NEBL: variants seen among roughly 807,000 people sequenced by gnomAD.
NEBL encodes LIM and SH3 protein 2.
Under a neutral mutation model 140.2 loss-of-function variants are expected in NEBL, and 122 were observed. That is an observed-to-expected ratio of 0.87 (90% confidence interval 0.75 to 1.01). The LOEUF is 1.01. Ranked by LOEUF, NEBL falls within the 50% of genes least tolerant of loss-of-function variation. NEBL has a pLI of 0.00. For synonymous variants in NEBL, 436 were observed against 398.9 expected, an observed-to-expected ratio of 1.09 and a Z score of -1.11; for missense variants, 1,365 against 1,231.3, an observed-to-expected ratio of 1.11 and a Z score of -1.62.
At chr10:20,826,184 T>C (rs767507679) in intron 18 of NEBL, among the ~76,000 whole-genome samples, 10 of 152,214 alleles carry the variant, frequency 6.6e-5, no homozygotes, top group Admixed American at 1.3e-4. Context: ...TTCAAAGAGA[T>C]GAAATCTAAC....
chr10:20,930,035 C>T (rs1019594939), intron 4 of NEBL, among the ~76,000 whole-genome samples: 3 of 152,112 alleles, frequency 2.0e-5, no homozygotes, highest in African/African-American at 7.2e-5. Flanking sequence ...GTTGTAAATG[C>T]CATCTAGGTG....
chr10:20,789,968 T>C (rs575919085), intron 26 of NEBL, among the ~76,000 whole-genome samples: 78 of 150,262 alleles, frequency 5.2e-4, no homozygotes, highest in South Asian at 1.7e-3. Flanking sequence ...TATATATATA[T>C]ACACACACAC....
At chr10:21,142,231 A>C (rs1481437932) in intron 2 of NEBL, among the ~76,000 whole-genome samples, 1 of 152,088 alleles carries the variant, frequency 6.6e-6, no homozygotes, top group Non-Finnish European at 1.5e-5. Context: ...GACCATGACC[A>C]CATGGACCAA....
rs188696153 is a variant in NEBL, at chr10:20,853,788, G to A, written c.904-1139C>T. On this transcript the variant is annotated intron_variant, in intron 9 of 27. Coordinates refer to ENST00000377122, the MANE Select transcript of NEBL (RefSeq NM_006393.3). ...GATGGTTAAGGAGTGCAAAAATACC[G>A]TTAGAGAGAATGAGTTTAAGATCTA... Among the ~76,000 whole-genome samples, 598 of 152,186 alleles carry A rather than the reference G, an allele frequency of 3.9e-3. 6 individuals carry two copies. Among genetic ancestry groups the A allele is most frequent in the African/African-American group, 0.014 (571 of 41,518 alleles).
chr10:21,283,170 C>G (rs944483224), intron 1 of NEBL, among the ~76,000 whole-genome samples: 2 of 151,170 alleles, frequency 1.3e-5, no homozygotes, highest in African/African-American at 4.9e-5. Flanking sequence ...GGTAAAGAAG[C>G]CAGCTAAAAC....
At chr10:21,139,557 A>T (rs534847033) in intron 2 of NEBL, among the ~76,000 whole-genome samples, 7 of 152,180 alleles carry the variant, frequency 4.6e-5, no homozygotes, top group Non-Finnish European at 8.8e-5. Context: ...TCATGTTGTC[A>T]TAGCAATGAT....
chr10:20,863,365 T>G (rs1017451507), intron 7 of NEBL, among the ~76,000 whole-genome samples: 2 of 152,164 alleles, frequency 1.3e-5, no homozygotes, highest in Non-Finnish European at 2.9e-5. Flanking sequence ...TAAACACATT[T>G]TAGCAAAGAA....
At chr10:20,804,369 TC>T (rs1248187319) in intron 26 of NEBL, 2 of 152,302 alleles carry the variant, frequency 1.3e-5, no homozygotes, top group African/African-American at 4.8e-5. Flanking sequence ...GCAATCATCC[TC>T]CTGTTAGTTT....
In NEBL at chr10:20,782,909, AAGAG is replaced by A. The variant is rs1475391465; in HGVS notation, c.*2834_*2837del. The A allele has an allele frequency of 6.6e-6, 1 of 152,644 alleles. No homozygotes were observed. The highest frequency in any genetic ancestry group is 6.5e-5 in the Admixed American group (1 of 15,278). 9.5% of individuals were successfully genotyped at this position (152,644 alleles called of 1,614,324 possible). A position where few individuals can be genotyped will look rare whatever the true frequency, so the allele number is the denominator to read the frequency against. On this transcript the variant is annotated 3_prime_UTR_variant, in exon 28 of 28. Coordinates refer to ENST00000377122, the MANE Select transcript of NEBL (RefSeq NM_006393.3). The stretch of plus-strand genomic sequence containing the variant: ...TATATTCTGTTGCTATACTTTGCTC[AAGAG>A]AGAGAGGATCCCTATACAGCTTTGT...
At chr10:20,826,312 T>C (rs928674040) in intron 18 of NEBL, 135 bp downstream of exon 18, 2 of 740,300 alleles carry the variant, frequency 2.7e-6, no homozygotes, top group Non-Finnish European at 4.7e-6. Flanking sequence ...AGATCTTTGA[T>C]ATATGATGAA....
chr10:21,156,032 C>T (rs978289750), intron 2 of NEBL, among the ~76,000 whole-genome samples: 4 of 152,142 alleles, frequency 2.6e-5, no homozygotes, highest in Admixed American at 6.5e-5. Flanking sequence ...TTCAAAACAA[C>T]GGTTCATAGA....
At chr10:21,250,410 T>C (rs1842572865) in intron 2 of NEBL, among the ~76,000 whole-genome samples, 1 of 152,188 alleles carries the variant, frequency 6.6e-6, no homozygotes. Flanking sequence ...TTGGACTGGC[T>C]TCCTTTCTCC....
At chr10:20,819,164 C>T (rs1450233680) in intron 20 of NEBL, 20 of 845,876 alleles carry the variant, frequency 2.4e-5, no homozygotes, top group South Asian at 2.1e-4. Flanking sequence ...TTCATCACCC[C>T]GGCATTAAGC....
intron 2 of NEBL, among the ~76,000 whole-genome samples, chr10:21,088,736 C>A (rs1836767775): frequency 6.6e-6 from 1 of 152,156 alleles, no homozygotes; most frequent in South Asian, 2.1e-4. Context: ...ATGGACTGTA[C>A]CTTGGAATCT....
At chr10:20,995,379 C>T (rs944092430) in intron 3 of NEBL, among the ~76,000 whole-genome samples, 2 of 152,142 alleles carry the variant, frequency 1.3e-5, no homozygotes, top group Non-Finnish European at 2.9e-5. Context: ...TGCTTGGTCA[C>T]CTTTTCGGTG....
chr10:20,966,872 C>T (rs571593805), intron 3 of NEBL, among the ~76,000 whole-genome samples: 7 of 152,076 alleles, frequency 4.6e-5, no homozygotes, highest in African/African-American at 1.4e-4. Flanking sequence ...AAAGCCATCG[C>T]GGATGAAGGA....
chr10:21,034,980 T>G (rs1440224214), intron 2 of NEBL, among the ~76,000 whole-genome samples: 2 of 144,022 alleles, frequency 1.4e-5, no homozygotes, highest in Non-Finnish European at 3.0e-5. Context: ...ATTTATTTAT[T>G]TATTTATTTT....
chr10:20,880,754 T>C (rs746583152), intron 5 of NEBL, 40 bp downstream of exon 5: 3 of 1,450,668 alleles, frequency 2.1e-6, no homozygotes, highest in African/African-American at 2.8e-5. Context: ...ATGACTTAAC[T>C]ACAGTTCGCT....
chr10:20,789,036 C>T, intron 26 of NEBL, among the ~76,000 whole-genome samples: 1 of 152,094 alleles, frequency 6.6e-6, no homozygotes, highest in East Asian at 1.9e-4. Context: ...TCAAGGCATG[C>T]CAGGAAGAAA....
Sources: allele counts gnomAD v4.1 joint callset (sites outside exome capture counted in the v4.1 genomes callset), GRCh38; gene constraint gnomAD v4.1.1; transcripts MANE v1.5; gene names NCBI Gene and HGNC (gene_info 2026-07-23, HGNC 2026-07-21).